Variants in CCAR2 observed in about 807,000 individuals in gnomAD.
The protein encoded by CCAR2 is cell cycle and apoptosis regulator 2.
CCAR2 carries 21 observed loss-of-function variants against 108.1 expected under a neutral mutation model. The observed-to-expected ratio is 0.19, with a 90% CI of 0.14 to 0.28. The LOEUF is 0.28. Among genes scored for constraint, CCAR2 ranks in the 10% least tolerant of loss-of-function variants. CCAR2 has a pLI of 1.00. For missense variants in CCAR2, 1,126 were observed against 1,177.0 expected (o/e 0.96, Z 0.63); for synonymous variants, 577 against 472.8 (o/e 1.22, Z -2.86).
At chr8:22,608,862 T>C (rs969011656) in intron 7 of CCAR2, among the ~76,000 whole-genome samples, 2 of 152,202 alleles carry the variant, frequency 1.3e-5, no homozygotes, top group African/African-American at 2.4e-5. Flanking sequence ...AACCTTATTA[T>C]ACCCATTACC....
Position 22,619,734 on chromosome 8 carries a change from A to G in CCAR2, c.*52A>G. 6.5e-7 allele frequency: 1 copy of G among 1,541,946 alleles called. No individual in the cohort carries two copies. Among genetic ancestry groups the G allele is most frequent in the African/African-American group, 1.4e-5 (1 of 73,016 alleles). On this transcript the variant is annotated 3_prime_UTR_variant, in exon 21 of 21. Coordinates refer to ENST00000308511, the MANE Select transcript of CCAR2 (RefSeq NM_001393997.1). ...TGAGGGCAGCGGTGGCGCCCGGCAAAGTTGGAGCCCTTGCGGTACCAGAAA... is the reference window on the plus strand; with the variant it reads ...TGAGGGCAGCGGTGGCGCCCGGCAAGGTTGGAGCCCTTGCGGTACCAGAAA...
At chr8:22,610,170 G>A (rs1253664226) in intron 7 of CCAR2, among the ~76,000 whole-genome samples, 1 of 152,194 alleles carries the variant, frequency 6.6e-6, no homozygotes, top group East Asian at 1.9e-4. Context: ...TCAGTAGAGA[G>A]AATGTGCAGA....
chr8:22,607,710 C>T lies in CCAR2; in HGVS notation c.488-259C>T, dbSNP rs1328203847. On this transcript the variant is annotated intron_variant, in intron 6 of 20. Coordinates refer to ENST00000308511, the MANE Select transcript of CCAR2 (RefSeq NM_001393997.1). Reference sequence around the variant, plus strand: ...CGCGATCTCGGCTCACTGCAAGCTCCGCCTCCTGGGTTCACACCATTCTCC... The same window carrying T: ...CGCGATCTCGGCTCACTGCAAGCTCTGCCTCCTGGGTTCACACCATTCTCC... Among the ~76,000 whole-genome samples the T allele has an allele frequency of 2.0e-5, 3 of 151,648 alleles. No individual in the cohort carries two copies. The East Asian group carries it at 5.8e-4, about 29-fold the overall frequency.
In CCAR2 at chr8:22,619,373, C is replaced by T. The variant is rs200616424; in HGVS notation, c.2727+18C>T. 3.5e-5 allele frequency: 54 copies of T among 1,550,878 alleles called. No homozygotes were observed. The highest frequency in any genetic ancestry group is 4.4e-5 in the Non-Finnish European group (51 of 1,148,170). On this transcript the variant is annotated intron_variant, in intron 20 of 20. Coordinates refer to ENST00000308511, the MANE Select transcript of CCAR2 (RefSeq NM_001393997.1). ...TGGAAAAGGTAAGGTGGGGGTGGAC[C>T]AGGAGGCAGCACAGCTCCTTTCCCT... is the stretch of plus-strand genomic sequence containing the variant.
intron 7 of CCAR2, chr8:22,612,567 A>T (rs550987295): frequency 2.0e-5 from 3 of 152,580 alleles, no homozygotes; most frequent in African/African-American, 7.2e-5. Context: ...CGCCCGGCCA[A>T]ATTTACTTTA....
chr8:22,618,913 G>A lies in CCAR2; in HGVS notation c.2419G>A (p.Gly807Ser). 1 of 1,613,928 alleles carries A rather than the reference G, an allele frequency of 6.2e-7. No individual in the cohort carries two copies. Among genetic ancestry groups the A allele is most frequent in the Non-Finnish European group, 8.5e-7 (1 of 1,180,050 alleles). Residue 807 changes from glycine (G) to serine (S), a missense_variant, in exon 19 of 21, where the codon GGC (glycine) becomes AGC (serine). Physicochemically the swap from Gly to Ser is moderately conservative, Grantham distance 56. Around this residue, in one of 4 missense-constraint regions of CCAR2, gnomAD observed 1,013 missense variants for 993.9 expected, o/e 1.02. Coordinates refer to ENST00000308511, the MANE Select transcript of CCAR2 (RefSeq NM_001393997.1). ...ACACAAAGCCTTGGTGTCCCACAATGGCAGCCTGATTAACGTGGGGAGCCT... is the reference window on the plus strand; with the variant it reads ...ACACAAAGCCTTGGTGTCCCACAATAGCAGCCTGATTAACGTGGGGAGCCT... ...TEHKALVSHN[G>S]SLINVGSLLQ... is the part of the protein sequence containing the mutation.
intron 1 of CCAR2, chr8:22,605,155 G>A (rs555761332): frequency 1.5e-5 from 3 of 194,380 alleles, no homozygotes; most frequent in Non-Finnish European, 3.2e-5. Context: ...CGCGCAGCCG[G>A]TTTCGCGTTT....
At chr8:22,606,197 A>G in intron 3 of CCAR2, 21 bp downstream of exon 3, 4 of 1,576,676 alleles carry the variant, frequency 2.5e-6, no homozygotes, top group Non-Finnish European at 3.5e-6. Flanking sequence ...CATCCCTTGT[A>G]GTAAGTTTCA....
In CCAR2 at chr8:22,606,183, T is replaced by C. The variant is rs1376168812; in HGVS notation, c.150+7T>C. 1 of 1,609,300 alleles carries C rather than the reference T, an allele frequency of 6.2e-7. No individual in the cohort carries two copies. The highest frequency in any genetic ancestry group is 8.5e-7 in the Non-Finnish European group (1 of 1,175,618). The stretch of plus-strand genomic sequence containing the variant: ...GAATGCCAGGCACCTTCAGGTAGGT[T>C]CGGCATCCCTTGTAGTAAGTTTCAG... On this transcript the variant is annotated splice_region_variant and intron_variant, in intron 3 of 20. Coordinates refer to ENST00000308511, the MANE Select transcript of CCAR2 (RefSeq NM_001393997.1).
At chr8:22,615,100 C>T (rs1801446309) in intron 11 of CCAR2, 99 bp downstream of exon 11, 1 of 1,397,252 alleles carries the variant, frequency 7.2e-7, no homozygotes, top group Non-Finnish European at 9.4e-7. Flanking sequence ...GGTTAGCTCT[C>T]TGCCCCCTAG....
downstream of CCAR2, chr8:22,621,199 G>A (rs1801791626): frequency 1.7e-6 from 1 of 586,898 alleles, no homozygotes; most frequent in Non-Finnish European, 3.0e-6. Flanking sequence ...AAGCCCCAAG[G>A]GTTTGTCTAC....
chr8:22,605,851 C>G lies in CCAR2; in HGVS notation c.58+20C>G. 1 of 1,610,874 alleles carries G rather than the reference C, an allele frequency of 6.2e-7. No individual in the cohort carries two copies. The highest frequency in any genetic ancestry group is 8.5e-7 in the Non-Finnish European group (1 of 1,177,906). On this transcript the variant is annotated intron_variant, in intron 2 of 20. Transcript: ENST00000308511. Reference sequence around the variant, plus strand: ...TCTCAGGTGATCACTGTTCTCCCTACCTGGCCTCATCCTGGGAAGTATGTG... The same window carrying G: ...TCTCAGGTGATCACTGTTCTCCCTAGCTGGCCTCATCCTGGGAAGTATGTG...
At chr8:22,612,837 A>C in intron 7 of CCAR2, 180 bp from the exon 8 acceptor site, 1 of 670,790 alleles carries the variant, frequency 1.5e-6, no homozygotes, top group Non-Finnish European at 2.3e-6. Context: ...ATGTTTATTA[A>C]AACAGTAAAT....
At chr8:22,618,092 T>G (rs1312761800) in intron 16 of CCAR2, 2 of 595,458 alleles carry the variant, frequency 3.4e-6, no homozygotes, top group East Asian at 2.8e-5. Context: ...GATGTTTTGT[T>G]TTTTAGAGAC....
At chr8:22,604,985 C>G in intron 1 of CCAR2, 143 bp downstream of exon 1, 1 of 317,412 alleles carries the variant, frequency 3.2e-6, no homozygotes, top group Non-Finnish European at 6.2e-6. Context: ...AGTCCCGTCT[C>G]CCTGGCAACG....
chr8:22,616,600 G>A lies in CCAR2; in HGVS notation c.1845+352G>A, dbSNP rs149927992. On this transcript the variant is annotated intron_variant, in intron 14 of 20. Transcript: ENST00000308511. ...TGGGAGACCGAGGTGGGCAGATCAT[G>A]AGGTCAGGAGTTTGAGACCAGCCTG... 1,060 of 276,794 alleles carry A rather than the reference G, an allele frequency of 3.8e-3. 11 individuals carry two copies. The highest frequency in any genetic ancestry group is 0.022 in the African/African-American group (1,003 of 46,406). 17.1% of individuals were successfully genotyped at this position (276,794 alleles called of 1,614,324 possible).
At chr8:22,608,906 C>A (rs1040569556) in intron 7 of CCAR2, among the ~76,000 whole-genome samples, 1 of 152,202 alleles carries the variant, frequency 6.6e-6, no homozygotes, top group African/African-American at 2.4e-5. Context: ...CATTCTTTTT[C>A]ATCTCTACCT....
At chr8:22,612,173 C>T (rs1389037697) in intron 7 of CCAR2, among the ~76,000 whole-genome samples, 3 of 151,400 alleles carry the variant, frequency 2.0e-5, no homozygotes, top group East Asian at 1.9e-4. Context: ...TCTTGAACTC[C>T]CGACCTCAAG....
At position 22,614,387 on chromosome 8, in the gene CCAR2, C is replaced by T. The variant is rs2117446606; in HGVS notation, c.928-3C>T. 1.2e-6 allele frequency: 2 copies of T among 1,614,104 alleles called. No individual in the cohort carries two copies. The highest frequency in any genetic ancestry group is 4.5e-5 in the East Asian group (2 of 44,892). On this transcript the variant is annotated splice_polypyrimidine_tract_variant and splice_region_variant and intron_variant, in intron 9 of 20. Coordinates refer to ENST00000308511, the MANE Select transcript of CCAR2 (RefSeq NM_001393997.1). ...GCAGCTCTGAGTGTCTCCTCCTGCA[C>T]AGGTACTGCTGCTCTCTTCCCCGGG...
Sources: gnomAD v4.1 joint callset for allele counts (sites outside exome capture counted in the v4.1 genomes callset) on GRCh38, gnomAD v4.1.1 for gene constraint, gnomAD v4.1.1 regional missense constraint, MANE v1.5 for transcripts, NCBI Gene and HGNC (gene_info 2026-07-23, HGNC 2026-07-21) for gene names.